Variants in NAT16 observed in about 807,000 individuals in gnomAD.
The protein encoded by NAT16 is N-acetyltransferase 16 (putative), also known as probable N-acetyltransferase 16.
A neutral mutation model predicts 15.9 loss-of-function variants in NAT16; 16 were observed. That is an observed-to-expected ratio of 1.01 (90% CI 0.68 to 1.53). NAT16 has a LOEUF of 1.53. NAT16 is among the 40% of genes most tolerant of loss of function. The pLI is 0.00. For missense variants in NAT16, 572 were observed against 508.4 expected, an observed-to-expected ratio of 1.13 and a Z score of -1.20; for synonymous variants, 260 against 241.9, an observed-to-expected ratio of 1.07 and a Z score of -0.69.
At chr7:101,176,680 GA>G (rs746968276) in intron 1 of NAT16, among the ~76,000 whole-genome samples, 45 of 142,158 alleles carry the variant, frequency 3.2e-4, no homozygotes, top group Non-Finnish European at 6.3e-4. Flanking sequence ...CCACCAAAAT[GA>G]AAGAGAAAGC....
chr7:101,174,527 G>C lies in NAT16; in HGVS notation c.281C>G (p.Thr94Arg). 6.2e-7 allele frequency: 1 copy of C among 1,613,590 alleles called. No individual in the cohort carries two copies. Among genetic ancestry groups the C allele is most frequent in the Non-Finnish European group, 8.5e-7 (1 of 1,179,814 alleles). Residue 94 changes from threonine (T) to arginine (R), a missense_variant, in exon 2 of 4, where the codon ACG (threonine) becomes AGG (arginine). Coordinates refer to ENST00000300303, the MANE Select transcript of NAT16 (RefSeq NM_198571.3). Reference protein sequence around the residue: ...YHSWLRDPDRTVVLAKRNGGV... With the variant: ...YHSWLRDPDRRVVLAKRNGGV... The stretch of plus-strand genomic sequence containing the variant: ...TCCGTTGCGCTTGGCCAGCACCACC[G>C]TGCGGTCGGGGTCCCGGAGCCAGCT...
Position 101,172,315 on chromosome 7 carries a change from C to A in NAT16, c.874G>T (p.Gly292Cys). ...RPFPIPHGGD[G>C]TWRYLNIDAF... Reference sequence around the variant, plus strand: ...TCGATGTTGAGATAGCGCCAAGTGCCGTCCCCTCCGTGCGGGATGGGGAAG... The same window carrying A: ...TCGATGTTGAGATAGCGCCAAGTGCAGTCCCCTCCGTGCGGGATGGGGAAG... The change falls in exon 4 of 4, where the codon GGC becomes TGC. Residue 292 changes from glycine (G) to cysteine (C), a missense_variant. Transcript: ENST00000300303. The surrounding 1 kb of genome is among the most constrained non-coding windows in gnomAD (Gnocchi z 4.2). The A allele has an allele frequency of 1.2e-6, 2 of 1,608,852 alleles. No individual in the cohort carries two copies. Among genetic ancestry groups the A allele is most frequent in the Non-Finnish European group, 1.7e-6 (2 of 1,178,318 alleles).
chr7:101,173,163 G>A, intron 3 of NAT16, 133 bp downstream of exon 3: 1 of 811,714 alleles, frequency 1.2e-6, no homozygotes, highest in Admixed American at 2.1e-5. Context: ...GAGTCCCAGG[G>A]CAAGGCTCAT....
Position 101,172,534 on chromosome 7 carries a change from C to A in NAT16, c.655G>T (p.Ala219Ser). ...AGGAGGCGTGCCACGTCGCCGCCTG[C>A]CTCGGACACGGCCTCGGTGGGCAGC... Reference protein sequence around the residue: ...SPLPTEAVSEAGGDVARLLLS... With the variant: ...SPLPTEAVSESGGDVARLLLS... Residue 219 changes from alanine to serine, a missense_variant, in exon 4 of 4, where the codon GCA (alanine) becomes TCA (serine). Coordinates refer to ENST00000300303, the MANE Select transcript of NAT16 (RefSeq NM_198571.3). This position sits in a 1 kb window ranked among gnomAD's most constrained non-coding sequence, Gnocchi z 4.2. 4 of 1,572,810 alleles carry A rather than the reference C, an allele frequency of 2.5e-6. No homozygotes were observed. Among genetic ancestry groups the A allele is most frequent in the Non-Finnish European group, 2.6e-6 (3 of 1,167,412 alleles).
At position 101,174,613 on chromosome 7, in the gene NAT16, T is replaced by C. The variant is rs1241251879; in HGVS notation, c.195A>G (p.Glu65=). The C allele has an allele frequency of 6.2e-7, 1 of 1,614,100 alleles. No homozygotes were observed. Among genetic ancestry groups the C allele is most frequent in the South Asian group, 1.1e-5 (1 of 91,078 alleles). ...AGATGCCCCCCGAGATGGCCAGCAC[T>C]TCCTCAAACTCCCGTTCCGTGGCCA... ...FVVATEREFE[E]VLAISGGIYG... Residue 65 remains glutamate, a synonymous_variant, in exon 2 of 4, where the codon GAA becomes GAG. Coordinates refer to ENST00000300303, the MANE Select transcript of NAT16 (RefSeq NM_198571.3).
rs770154793 is a variant in NAT16, at chr7:101,173,487, C to A, written c.346G>T (p.Gly116Trp). 1 of 1,606,908 alleles carries A rather than the reference C, an allele frequency of 6.2e-7. No homozygotes were observed. Among genetic ancestry groups the A allele is most frequent in the African/African-American group, 1.3e-5 (1 of 74,876 alleles). Residue 116 changes from glycine (G) to tryptophan (W), a missense_variant, in exon 3 of 4, where the codon GGG (glycine) becomes TGG (tryptophan). Gly to Trp is a radical substitution (Grantham distance 184). Transcript: ENST00000300303. The part of the protein sequence containing the change: ...ALESVNVIDA[G>W]ETVLVEGLRV... ...AGCCCCTCCACCAGCACCGTCTCCC[C>A]GGCGTCGATCACGTTCACCGACTCC...
Position 101,170,647 on chromosome 7 carries a change from C to T in NAT16, c.*1432G>A, listed in dbSNP as rs1166233377. 6.6e-6 allele frequency: 1 copy of T among 152,462 alleles called. No individual in the cohort carries two copies. Among genetic ancestry groups the T allele is most frequent in the Non-Finnish European group, 1.5e-5 (1 of 68,186 alleles). 9.4% of individuals were successfully genotyped at this position (152,462 alleles called of 1,614,324 possible). A position where few individuals can be genotyped will look rare whatever the true frequency, so the allele number is the denominator to read the frequency against. ...GGCGAAGCGGCGGCTGCCCCTACCC[C>T]CCACCTTGTCCACATTCTTCCACCT... On this transcript the variant is annotated 3_prime_UTR_variant, in exon 4 of 4. Coordinates refer to ENST00000300303, the MANE Select transcript of NAT16 (RefSeq NM_198571.3).
rs1797421197 is a variant in NAT16, at chr7:101,174,506, T to C, written c.302A>G (p.Asn101Ser). 1.2e-6 allele frequency: 2 copies of C among 1,612,180 alleles called. No homozygotes were observed. Among genetic ancestry groups the C allele is most frequent in the African/African-American group, 1.3e-5 (1 of 75,016 alleles). Reference protein sequence around the residue: ...PDRTVVLAKRNGGVIALESVN... With the variant: ...PDRTVVLAKRSGGVIALESVN... ...TGCCCCCGGGCTCACCACGCCTCCGTTGCGCTTGGCCAGCACCACCGTGCG... is the reference window on the plus strand; with the variant it reads ...TGCCCCCGGGCTCACCACGCCTCCGCTGCGCTTGGCCAGCACCACCGTGCG... Residue 101 changes from asparagine to serine, a missense_variant, in exon 2 of 4, where the codon AAC (asparagine) becomes AGC (serine). Coordinates refer to ENST00000300303, the MANE Select transcript of NAT16 (RefSeq NM_198571.3).
In NAT16 at chr7:101,172,704, G is replaced by T; in HGVS notation, c.538-53C>A. 2 of 1,356,192 alleles carry T rather than the reference G, an allele frequency of 1.5e-6. No individual in the cohort carries two copies. The allele number at this position is 1,356,192 out of a possible 1,614,324, so 84.0% of individuals were successfully genotyped here. A position where few individuals can be genotyped will look rare whatever the true frequency, so the allele number is the denominator to read the frequency against. ...AGGGGGGGCGCAGCAGGGCTGGCGA[G>T]CCCGGCGCCTCTCGGCAGGCATCTT... On this transcript the variant is annotated intron_variant, in intron 3 of 3. Coordinates refer to ENST00000300303, the MANE Select transcript of NAT16 (RefSeq NM_198571.3). The surrounding 1 kb of genome is among the most constrained non-coding windows in gnomAD (Gnocchi z 4.2).
intron 2 of NAT16, 86 bp from the exon 3 acceptor site, chr7:101,173,606 A>C: frequency 4.2e-6 from 5 of 1,204,120 alleles, no homozygotes; most frequent in Non-Finnish European, 5.6e-6. Context: ...CTCTTCCCAC[A>C]CGCTGAGCAC....
intron 1 of NAT16, among the ~76,000 whole-genome samples, chr7:101,175,310 T>G (rs2410797): frequency 0.94 from 140,806 of 150,024 alleles, 66,151 homozygotes; most frequent in African/African-American, 0.98. Context: ...ATCTCACTAC[T>G]TTGCCCAGGC....
At chr7:101,175,448 G>A (rs1797443304) in intron 1 of NAT16, among the ~76,000 whole-genome samples, 1 of 151,704 alleles carries the variant, frequency 6.6e-6, no homozygotes. Flanking sequence ...CCTGGGAGTG[G>A]AGGTCTCCCA....
chr7:101,180,125 CAA>C lies in NAT16; in HGVS notation c.-90_-89del, dbSNP rs765377651. On this transcript the variant is annotated 5_prime_UTR_variant, in exon 1 of 4. Coordinates refer to ENST00000300303, the MANE Select transcript of NAT16 (RefSeq NM_198571.3). Reference sequence around the variant, plus strand: ...CGGCGGGCGCAGACACCCCCGGTGCCAAGAGAGAGGTCCCTTTGGAGCCCCCA... The same window carrying C: ...CGGCGGGCGCAGACACCCCCGGTGCCGAGAGAGGTCCCTTTGGAGCCCCCA... 6.1e-4 allele frequency: 93 copies of C among 152,854 alleles called. No homozygotes were observed. Among genetic ancestry groups the C allele is most frequent in the Non-Finnish European group, 8.8e-4 (60 of 68,558 alleles). 9.5% of individuals were successfully genotyped at this position (152,854 alleles called of 1,614,324 possible). A position where few individuals can be genotyped will look rare whatever the true frequency, so the allele number is the denominator to read the frequency against.
chr7:101,179,483 G>A (rs1436363313), intron 1 of NAT16, among the ~76,000 whole-genome samples: 1 of 151,070 alleles, frequency 6.6e-6, no homozygotes, highest in Non-Finnish European at 1.5e-5. Context: ...TGGAGGGGAA[G>A]GGGTCAAGGG....
Position 101,172,867 on chromosome 7 carries a change from T to C in NAT16, c.538-216A>G, listed in dbSNP as rs1342588668. 2.0e-5 allele frequency among the ~76,000 whole-genome samples: 3 copies of C among 152,112 alleles called. No homozygotes were observed. Among genetic ancestry groups the C allele is most frequent in the South Asian group, 4.1e-4 (2 of 4,820 alleles). The stretch of plus-strand genomic sequence containing the variant: ...AGGGACCAGGGGCACGGGCTCCCAG[T>C]ACGTGGATCCCCAAGAAGAGGTGGG... On this transcript the variant is annotated intron_variant, in intron 3 of 3. Coordinates refer to ENST00000300303, the MANE Select transcript of NAT16 (RefSeq NM_198571.3). This position sits in a 1 kb window ranked among gnomAD's most constrained non-coding sequence, Gnocchi z 4.2.
chr7:101,173,632 G>A (rs1797395864), intron 2 of NAT16, 112 bp from the exon 3 acceptor site: 3 of 1,002,736 alleles, frequency 3.0e-6, no homozygotes, highest in South Asian at 1.7e-5. Flanking sequence ...GTCACCACCC[G>A]GGCACCAGGC....
chr7:101,176,713 C>A (rs1229891253), intron 1 of NAT16, among the ~76,000 whole-genome samples: 2 of 151,642 alleles, frequency 1.3e-5, no homozygotes, highest in African/African-American at 4.8e-5. Flanking sequence ...GTCCCAGCAA[C>A]TTCTATTTCT....
At position 101,173,530 on chromosome 7, in the gene NAT16, G is replaced by A. The variant is rs1412865954; in HGVS notation, c.313-10C>T. On this transcript the variant is annotated splice_polypyrimidine_tract_variant and intron_variant, in intron 2 of 3. Coordinates refer to ENST00000300303, the MANE Select transcript of NAT16 (RefSeq NM_198571.3). ...CCGACTCCAGCGCGATCTGCGGACC[G>A]AGGCCGTTAGCGCGGGGCCCTCCCC... 6.4e-7 allele frequency: 1 copy of A among 1,568,960 alleles called. No homozygotes were observed. The highest frequency in any genetic ancestry group is 1.2e-5 in the South Asian group (1 of 86,358).
intron 1 of NAT16, 142 bp from the exon 2 acceptor site, chr7:101,174,953 T>C: frequency 2.8e-6 from 3 of 1,087,122 alleles, no homozygotes; most frequent in Non-Finnish European, 3.5e-6. Flanking sequence ...CTTATTTACT[T>C]ATTTATTTAT....
Sources: gnomAD v4.1 joint callset for allele counts (sites outside exome capture counted in the v4.1 genomes callset) on GRCh38, gnomAD v4.1.1 for gene constraint, Gnocchi (gnomAD v3.1) non-coding constraint, MANE v1.5 for transcripts, NCBI Gene and HGNC (gene_info 2026-07-23, HGNC 2026-07-21) for gene names.